CELF4: variants seen among roughly 807,000 people sequenced by gnomAD.
CELF4 encodes the protein CUG-BP- and ETR-3-like factor 4.
In CELF4, 18 loss-of-function variants were observed where a neutral mutation model predicts 59.9. The observed-to-expected ratio is 0.30, with a 90% CI of 0.21 to 0.45. The LOEUF (loss-of-function observed/expected upper bound fraction) is 0.45. CELF4 is among the 20% of genes least tolerant of loss of function. The pLI, the probability that CELF4 is intolerant of heterozygous loss-of-function variation, is 1.00. For synonymous variants in CELF4, 261 were observed against 267.1 expected, an observed-to-expected ratio of 0.98 and a Z score of 0.22; for missense variants, 456 against 689.0, an observed-to-expected ratio of 0.66 and a Z score of 3.79.
chr18:37,310,864 C>T (rs1325331334), intron 3 of CELF4, among the ~76,000 whole-genome samples: 3 of 152,158 alleles, frequency 2.0e-5, no homozygotes, highest in Non-Finnish European at 4.4e-5. Flanking sequence ...TCGCCCATCT[C>T]CCAAGGAAGT....
chr18:37,474,898 C>A (rs899376673), intron 2 of CELF4, among the ~76,000 whole-genome samples: 3 of 152,244 alleles, frequency 2.0e-5, no homozygotes, highest in Non-Finnish European at 4.4e-5. Context: ...CTTCCTTTGA[C>A]TGTGGAGCCC....
chr18:37,420,086 G>A (rs1039182730), intron 2 of CELF4, among the ~76,000 whole-genome samples: 2 of 152,194 alleles, frequency 1.3e-5, no homozygotes, highest in African/African-American at 4.8e-5. Context: ...GTGGACCGAG[G>A]CCATCCAAGC....
At chr18:37,444,697 G>T (rs1454434554) in intron 2 of CELF4, among the ~76,000 whole-genome samples, 1 of 151,222 alleles carries the variant, frequency 6.6e-6, no homozygotes, top group Non-Finnish European at 1.5e-5. Context: ...AGGTGGGGAG[G>T]TGCAGGGGTG....
At chr18:37,249,923 C>T (rs1625542) in intron 12 of CELF4, among the ~76,000 whole-genome samples, 48,007 of 152,036 alleles carry the variant, frequency 0.32, 11,709 homozygotes, top group African/African-American at 0.69. Flanking sequence ...AGCCTGGACC[C>T]GACACTCTCC....
chr18:37,351,439 C>T (rs2098438988), intron 2 of CELF4, among the ~76,000 whole-genome samples: 1 of 152,162 alleles, frequency 6.6e-6, no homozygotes, highest in South Asian at 2.1e-4. Flanking sequence ...ACTCTACCTG[C>T]CCTGAACCTA....
At chr18:37,277,208 C>A (rs1320181303) in intron 3 of CELF4, among the ~76,000 whole-genome samples, 3 of 152,236 alleles carry the variant, frequency 2.0e-5, no homozygotes, top group Non-Finnish European at 4.4e-5. Context: ...GGTCCCAGCT[C>A]CTCGCATAAC....
chr18:37,551,425 T>A (rs568352125), intron 1 of CELF4, among the ~76,000 whole-genome samples: 7 of 152,338 alleles, frequency 4.6e-5, no homozygotes, highest in Admixed American at 3.9e-4. Context: ...CCAGGTGTGC[T>A]GTTGACAATG....
At chr18:37,353,939 T>C (rs1025085290) in intron 2 of CELF4, among the ~76,000 whole-genome samples, 2 of 151,924 alleles carry the variant, frequency 1.3e-5, no homozygotes, top group Admixed American at 1.3e-4. Flanking sequence ...GTATTTTTAG[T>C]AGAGACGGTG....
intron 3 of CELF4, among the ~76,000 whole-genome samples, chr18:37,308,080 C>G (rs1569554819): frequency 6.6e-6 from 1 of 152,052 alleles, no homozygotes; most frequent in Non-Finnish European, 1.5e-5. Flanking sequence ...CCTGAACCTA[C>G]AGTCTAATTC....
At chr18:37,555,200 G>A (rs1050902015) in intron 1 of CELF4, among the ~76,000 whole-genome samples, 1 of 152,320 alleles carries the variant, frequency 6.6e-6, no homozygotes, top group Admixed American at 6.5e-5. Context: ...CACAGCGGGG[G>A]CAAGCATGCT....
chr18:37,498,971 G>A (rs976132488), intron 1 of CELF4, among the ~76,000 whole-genome samples: 3 of 152,214 alleles, frequency 2.0e-5, no homozygotes, highest in East Asian at 3.8e-4. Flanking sequence ...GTTGTTGTCC[G>A]TAGTAATAGT....
At chr18:37,336,941 G>A (rs2097790693) in intron 2 of CELF4, among the ~76,000 whole-genome samples, 4 of 152,124 alleles carry the variant, frequency 2.6e-5, no homozygotes, top group Admixed American at 2.0e-4. Context: ...CGGACCCGAG[G>A]CTTCGGCTGC....
intron 1 of CELF4, among the ~76,000 whole-genome samples, chr18:37,561,493 G>A (rs1017854348): frequency 7.2e-5 from 11 of 152,166 alleles, no homozygotes; most frequent in Admixed American, 5.9e-4. Context: ...TATCCAGAGA[G>A]CACTAGTCTT....
At chr18:37,314,965 C>T (rs182192785) in intron 3 of CELF4, among the ~76,000 whole-genome samples, 203 of 152,172 alleles carry the variant, frequency 1.3e-3, no homozygotes, top group African/African-American at 4.7e-3. Flanking sequence ...TGTTGTCGGC[C>T]GGTGGTTTCA....
chr18:37,373,985 T>A (rs2098935311), intron 2 of CELF4, among the ~76,000 whole-genome samples: 2 of 152,166 alleles, frequency 1.3e-5, no homozygotes, highest in Admixed American at 6.5e-5. Flanking sequence ...TCACCATACA[T>A]CAGCTCTCAC....
intron 2 of CELF4, among the ~76,000 whole-genome samples, chr18:37,476,986 C>T (rs975363756): frequency 2.0e-5 from 3 of 152,232 alleles, no homozygotes; most frequent in Non-Finnish European, 2.9e-5. Context: ...CAAATGCACC[C>T]CCGCAGGGTG....
In CELF4 at chr18:37,316,594, C is replaced by A. The variant is rs973185593; in HGVS notation, c.448+5209G>T. ...CAACCCCTTGGCCTTGTGTTCGAGG[C>A]CCCATTTTAACTTTGTGTCCTCACT... On this transcript the variant is annotated intron_variant, in intron 3 of 12. Transcript: ENST00000420428. 2.6e-5 allele frequency among the ~76,000 whole-genome samples: 4 copies of A among 152,182 alleles called. No individual in the cohort carries two copies. The South Asian group carries it at 8.3e-4, about 32-fold the overall frequency.
rs1569569717 is a variant in CELF4 at position 37,514,624 on chromosome 18, G to C, written c.287-29017C>G. ...CCGGTCCCAAGCCCAAGGAGGCCTG[G>C]GCGGTAAACAAACAACTTCAGAAAA... On this transcript the variant is annotated intron_variant, in intron 1 of 12. Transcript: ENST00000420428. Among the ~76,000 whole-genome samples, 3 of 152,112 alleles carry C rather than the reference G, an allele frequency of 2.0e-5. No individual in the cohort carries two copies. The South Asian group carries it at 6.2e-4, about 32-fold the overall frequency.
intron 3 of CELF4, among the ~76,000 whole-genome samples, chr18:37,277,322 C>T (rs1463876005): frequency 6.6e-6 from 1 of 152,204 alleles, no homozygotes; most frequent in African/African-American, 2.4e-5. Context: ...ACCCCAGAGC[C>T]CAGGCCCCAC....
Sources: gnomAD v4.1 joint callset for allele counts (sites outside exome capture counted in the v4.1 genomes callset) on GRCh38, gnomAD v4.1.1 for gene constraint, MANE v1.5 for transcripts, NCBI Gene and HGNC (gene_info 2026-07-23, HGNC 2026-07-21) for gene names.